ARL5A: variants seen among roughly 807,000 people sequenced by gnomAD.
ARL5A encodes the protein ARF like GTPase 5A, also known as ADP-ribosylation factor-like protein 5A.
Under a neutral mutation model 25.9 loss-of-function variants are expected in ARL5A, and 18 were observed. That is an observed-to-expected ratio of 0.69 (90% CI 0.48 to 1.03). The LOEUF (loss-of-function observed/expected upper bound fraction) is 1.03, where lower values mean the gene tolerates loss of function less well. ARL5A is among the 50% of genes least tolerant of loss of function. The pLI is 0.00. For missense variants in ARL5A, 170 were observed against 211.9 expected, an observed-to-expected ratio of 0.80 and a Z score of 1.23; for synonymous variants, 61 against 67.5, an observed-to-expected ratio of 0.90 and a Z score of 0.47.
chr2:151,807,952 A>G (rs986367324), intron 4 of ARL5A, among the ~76,000 whole-genome samples: 7 of 152,174 alleles, frequency 4.6e-5, no homozygotes, highest in African/African-American at 1.7e-4. Flanking sequence ...AAACAGGCCA[A>G]AAGTTCTTAG....
intron 1 of ARL5A, among the ~76,000 whole-genome samples, chr2:151,817,920 G>A (rs1027874774): frequency 6.6e-6 from 1 of 152,144 alleles, no homozygotes; most frequent in South Asian, 2.1e-4. Context: ...CAGAAAAATC[G>A]CTTGAACCCA....
chr2:151,811,542 T>C (rs2099830845), intron 4 of ARL5A, among the ~76,000 whole-genome samples: 1 of 152,022 alleles, frequency 6.6e-6, no homozygotes, highest in Non-Finnish European at 1.5e-5. Flanking sequence ...AAAATTTTAA[T>C]TTTTAAATCT....
In ARL5A at chr2:151,803,032, G is replaced by A. The variant is rs2099829639; in HGVS notation, c.*244C>T. The A allele has an allele frequency of 2.1e-6, 1 of 465,738 alleles. No individual in the cohort carries two copies. The highest frequency in any genetic ancestry group is 2.0e-5 in the African/African-American group (1 of 49,398). 28.9% of individuals were successfully genotyped at this position (465,738 alleles called of 1,614,324 possible). On this transcript the variant is annotated 3_prime_UTR_variant, in exon 6 of 6. Transcript: ENST00000295087. ...CATAGGCTACACAATGTCCTGAGAG[G>A]ATTCATTATGAGAAAAATGTCAATC... is the stretch of plus-strand genomic sequence containing the variant.
chr2:151,824,964 A>T (rs2099832841), intron 1 of ARL5A, among the ~76,000 whole-genome samples: 1 of 152,246 alleles, frequency 6.6e-6, no homozygotes. Flanking sequence ...GTAAAGAGTA[A>T]ATCAACTAAG....
In ARL5A at chr2:151,806,902, T is replaced by A; in HGVS notation, c.410A>T (p.Glu137Val). 6.2e-7 allele frequency: 1 copy of A among 1,613,696 alleles called. No homozygotes were observed. Among genetic ancestry groups the A allele is most frequent in the Non-Finnish European group, 8.5e-7 (1 of 1,179,760 alleles). Reference protein sequence around the residue: ...QDVKECMTVAEISQFLKLTSI... With the variant: ...QDVKECMTVAVISQFLKLTSI... ...AGTTAGCTTCAAAAACTGGGAGATT[T>A]CTGCTACAGTCATGCATTCTTTAAC... Residue 137 changes from glutamate to valine, a missense_variant, in exon 5 of 6, where the codon GAA (glutamate) becomes GTA (valine). Physicochemically the swap from Glu to Val is moderately radical, Grantham distance 121. Transcript: ENST00000295087.
chr2:151,828,034 C>A (rs1337007521), intron 1 of ARL5A, 97 bp downstream of exon 1: 2 of 1,378,772 alleles, frequency 1.5e-6, no homozygotes, highest in Admixed American at 3.8e-5. Context: ...GGCGCCCGAC[C>A]GAGCCGCCCA....
rs1219073919 is a variant in ARL5A at position 151,802,215 on chromosome 2, A to G, written c.*1061T>C. 6.6e-6 allele frequency: 1 copy of G among 152,138 alleles called. No individual in the cohort carries two copies. Among genetic ancestry groups the G allele is most frequent in the Non-Finnish European group, 1.5e-5 (1 of 67,970 alleles). The allele number at this position is 152,138 out of a possible 1,614,324, so 9.4% of individuals were successfully genotyped here. On this transcript the variant is annotated 3_prime_UTR_variant, in exon 6 of 6. Transcript: ENST00000295087. ...TTGCTCAGAAACATGCCTTACTTTT[A>G]CTCTGAAATTCACTTTAACTGCTTG...
intron 1 of ARL5A, among the ~76,000 whole-genome samples, chr2:151,825,860 C>T (rs2099832985): frequency 6.6e-6 from 1 of 151,732 alleles, no homozygotes; most frequent in South Asian, 2.1e-4. Flanking sequence ...CACCATGGCT[C>T]AGGCCTGTAA....
chr2:151,808,985 T>C (rs2099830474), intron 4 of ARL5A, among the ~76,000 whole-genome samples: 1 of 152,054 alleles, frequency 6.6e-6, no homozygotes, highest in Admixed American at 6.6e-5. Flanking sequence ...GAGGTGGAGG[T>C]TGCAGCGAGC....
intron 5 of ARL5A, among the ~76,000 whole-genome samples, chr2:151,804,619 T>C (rs1003406485): frequency 2.0e-5 from 3 of 152,156 alleles, no homozygotes; most frequent in African/African-American, 7.2e-5. Flanking sequence ...AAATAATAGA[T>C]GAAGAGATTG....
chr2:151,817,360 C>G (rs550868394), intron 1 of ARL5A, among the ~76,000 whole-genome samples: 5 of 152,300 alleles, frequency 3.3e-5, no homozygotes, highest in African/African-American at 9.6e-5. Flanking sequence ...TTTCTAGTGA[C>G]TACAACTATT....
chr2:151,821,569 C>A (rs564898611), intron 1 of ARL5A, among the ~76,000 whole-genome samples: 2 of 152,146 alleles, frequency 1.3e-5, no homozygotes, highest in Non-Finnish European at 2.9e-5. Flanking sequence ...CCTCCCAAGA[C>A]GTAGCTCTAT....
rs750639775 is a variant in ARL5A, at chr2:151,803,023, T to C, written c.*253A>G. ...TGTACTTACCATAGGCTACACAATG[T>C]CCTGAGAGGATTCATTATGAGAAAA... On this transcript the variant is annotated 3_prime_UTR_variant, in exon 6 of 6. Coordinates refer to ENST00000295087, the MANE Select transcript of ARL5A (RefSeq NM_012097.4). 1.7e-4 allele frequency: 76 copies of C among 452,284 alleles called. No individual in the cohort carries two copies. Among genetic ancestry groups the C allele is most frequent in the Non-Finnish European group, 2.7e-4 (67 of 251,570 alleles). The allele number at this position is 452,284 out of a possible 1,614,324, so 28.0% of individuals were successfully genotyped here. A position where few individuals can be genotyped will look rare whatever the true frequency, so the allele number is the denominator to read the frequency against.
At chr2:151,811,087 C>T (rs1578374544) in intron 4 of ARL5A, among the ~76,000 whole-genome samples, 1 of 152,054 alleles carries the variant, frequency 6.6e-6, no homozygotes, top group African/African-American at 2.4e-5. Context: ...TTAAACACAG[C>T]TGCTGGAATT....
chr2:151,827,310 T>A (rs569938364), intron 1 of ARL5A, among the ~76,000 whole-genome samples: 1 of 152,354 alleles, frequency 6.6e-6, no homozygotes, highest in Admixed American at 6.5e-5. Flanking sequence ...TTCATGGCCA[T>A]GTCTGAAGTT....
rs1321249169 is a variant in ARL5A, at chr2:151,800,218, TCTGTA to T, written c.*3053_*3057del. 1 of 129,770 alleles carries T rather than the reference TCTGTA, an allele frequency of 7.7e-6. No individual in the cohort carries two copies. Among genetic ancestry groups the T allele is most frequent in the Non-Finnish European group, 1.7e-5 (1 of 60,154 alleles). 8.0% of individuals were successfully genotyped at this position (129,770 alleles called of 1,614,324 possible). A position where few individuals can be genotyped will look rare whatever the true frequency, so the allele number is the denominator to read the frequency against. On this transcript the variant is annotated 3_prime_UTR_variant, in exon 6 of 6. Coordinates refer to ENST00000295087, the MANE Select transcript of ARL5A (RefSeq NM_012097.4). ...CTAATATAAACAGGTTTGGAGGTTG[TCTGTA>T]CTGTATGTGGTTGCTGTAGTGACAA...
Position 151,800,686 on chromosome 2 carries a change from T to C in ARL5A, c.*2590A>G, listed in dbSNP as rs2099829288. On this transcript the variant is annotated 3_prime_UTR_variant, in exon 6 of 6. Transcript: ENST00000295087. ...TTTCAAACAAGAACCCTCTATATAATGTGTAAGATGTACTTTTACAGATGC... is the reference window on the plus strand; with the variant it reads ...TTTCAAACAAGAACCCTCTATATAACGTGTAAGATGTACTTTTACAGATGC... 1 of 152,196 alleles carries C rather than the reference T, an allele frequency of 6.6e-6. No homozygotes were observed. Among genetic ancestry groups the C allele is most frequent in the African/African-American group, 2.4e-5 (1 of 41,452 alleles). 9.4% of individuals were successfully genotyped at this position (152,196 alleles called of 1,614,324 possible).
rs1000238548 is a variant in ARL5A at position 151,800,027 on chromosome 2, T to C, written c.*3249A>G. On this transcript the variant is annotated 3_prime_UTR_variant, in exon 6 of 6. Transcript: ENST00000295087. ...TTGTCTCTACCCAGCCTTGAAAAAG[T>C]GATTGATGACAACATACAACTGGGC... 1 of 152,164 alleles carries C rather than the reference T, an allele frequency of 6.6e-6. No homozygotes were observed. Among genetic ancestry groups the C allele is most frequent in the Non-Finnish European group, 1.5e-5 (1 of 68,038 alleles). 9.4% of individuals were successfully genotyped at this position (152,164 alleles called of 1,614,324 possible).
chr2:151,814,242 C>T lies in ARL5A; in HGVS notation c.182G>A (p.Arg61His), dbSNP rs1452947636. The T allele has an allele frequency of 5.6e-6, 9 of 1,606,552 alleles. No homozygotes were observed. The highest frequency in any genetic ancestry group is 3.4e-5 in the Admixed American group (2 of 58,946). The change falls in exon 3 of 6, where the codon CGT becomes CAT. Residue 61 changes from arginine (R) to histidine (H), a missense_variant. Physicochemically the swap from Arg to His is conservative, Grantham distance 29. Coordinates refer to ENST00000295087, the MANE Select transcript of ARL5A (RefSeq NM_012097.4). ...GCCACCAATATCCCACATTAGGAAA[C>T]GTGTATTATTAATCACTATCTCTTC... ...NVEEIVINNT[R>H]FLMWDIGGQE... is the part of the protein sequence containing the mutation.
Sources: allele counts gnomAD v4.1 joint callset (sites outside exome capture counted in the v4.1 genomes callset), GRCh38; gene constraint gnomAD v4.1.1; transcripts MANE v1.5; gene names NCBI Gene and HGNC (gene_info 2026-07-23, HGNC 2026-07-21).